The following HCRTR2 variants were observed in gnomAD, a reference collection of about 807,000 sequenced individuals.
HCRTR2 encodes the protein hypocretin receptor 2.
HCRTR2 carries 22 observed loss-of-function variants against 49.0 expected under a neutral mutation model. The ratio of observed to expected loss-of-function variants is 0.45; its 90% CI spans 0.32 to 0.64. HCRTR2 has a LOEUF of 0.64. Ranked by LOEUF, HCRTR2 falls within the 30% of genes least tolerant of loss-of-function variation. The pLI, the probability that HCRTR2 is intolerant of heterozygous loss-of-function variation, is 0.04. For synonymous variants in HCRTR2, 236 were observed against 205.3 expected, an observed-to-expected ratio of 1.15 and a Z score of -1.28; for missense variants, 491 against 559.4, an observed-to-expected ratio of 0.88 and a Z score of 1.23.
chr6:55,228,956 A>G (rs1011424629), intron 1 of HCRTR2, among the ~76,000 whole-genome samples: 4 of 152,096 alleles, frequency 2.6e-5, no homozygotes, highest in Non-Finnish European at 4.4e-5. Flanking sequence ...TATTCATTTT[A>G]TTAATCCACT....
At chr6:55,214,898 G>C (rs1264158549) in intron 1 of HCRTR2, among the ~76,000 whole-genome samples, 1 of 151,806 alleles carries the variant, frequency 6.6e-6, no homozygotes, top group African/African-American at 2.4e-5. Context: ...TATTCAGTCA[G>C]AGAAACAAAA....
intron 3 of HCRTR2, among the ~76,000 whole-genome samples, chr6:55,260,121 A>T (rs1766726818): frequency 6.6e-6 from 1 of 152,308 alleles, no homozygotes; most frequent in Middle Eastern, 3.4e-3. Context: ...GCTACCATCT[A>T]TTCAAAACGC....
intron 2 of HCRTR2, among the ~76,000 whole-genome samples, chr6:55,254,670 A>G (rs1304759898): frequency 6.6e-6 from 1 of 152,130 alleles, no homozygotes; most frequent in Non-Finnish European, 1.5e-5. Flanking sequence ...TGTTAATTAA[A>G]TATAATTTCA....
chr6:55,277,298 T>C (rs1319397809), intron 4 of HCRTR2, 82 bp from the exon 5 acceptor site: 1 of 1,186,248 alleles, frequency 8.4e-7, no homozygotes. Context: ...AAGCCTTTCC[T>C]TACTGTGTTT....
chr6:55,191,474 T>C (rs946713592), intron 1 of HCRTR2, among the ~76,000 whole-genome samples: 3 of 152,148 alleles, frequency 2.0e-5, no homozygotes, highest in Non-Finnish European at 1.5e-5. Flanking sequence ...TAAATATAGT[T>C]AGTCAATTAT....
chr6:55,251,554 A>C (rs574779343), intron 2 of HCRTR2, among the ~76,000 whole-genome samples: 32 of 152,070 alleles, frequency 2.1e-4, no homozygotes, highest in Middle Eastern at 3.4e-3. Context: ...CTACACAGAA[A>C]ATGCCAGAAA....
chr6:55,122,000 C>T (rs1163618940), intron 1 of HCRTR2, among the ~76,000 whole-genome samples: 1 of 152,162 alleles, frequency 6.6e-6, no homozygotes, highest in South Asian at 2.1e-4. Flanking sequence ...GGAGGATTCC[C>T]TCTTTTTCTA....
intron 1 of HCRTR2, among the ~76,000 whole-genome samples, chr6:55,108,327 CTACCACAGGAACA>C (rs1284880232): frequency 8.6e-5 from 13 of 151,988 alleles, no homozygotes; most frequent in Admixed American, 8.5e-4. Context: ...GCTCCAAGAA[CTACCACAGGAACA>C]TACCAGTAAA....
intron 1 of HCRTR2, among the ~76,000 whole-genome samples, chr6:55,224,603 A>G (rs963617037): frequency 6.6e-6 from 1 of 151,000 alleles, no homozygotes; most frequent in Non-Finnish European, 1.5e-5. Context: ...AGCCTGGGCT[A>G]CAGAACGAGA....
At chr6:55,126,500 G>A (rs1764280154) in intron 1 of HCRTR2, among the ~76,000 whole-genome samples, 2 of 152,160 alleles carry the variant, frequency 1.3e-5, no homozygotes, top group Non-Finnish European at 2.9e-5. Context: ...TCCCCTGCCA[G>A]ATGCCAGCCA....
intron 1 of HCRTR2, among the ~76,000 whole-genome samples, chr6:55,107,793 T>C (rs561907036): frequency 2.8e-4 from 42 of 152,288 alleles, no homozygotes; most frequent in African/African-American, 9.6e-4. Flanking sequence ...TTTACAACCA[T>C]CTACTCATTG....
At chr6:55,150,384 T>C (rs889099422) in intron 1 of HCRTR2, among the ~76,000 whole-genome samples, 9 of 151,814 alleles carry the variant, frequency 5.9e-5, no homozygotes, top group African/African-American at 2.2e-4. Context: ...TTGCAAATAT[T>C]TAAGTATACA....
At chr6:55,135,057 G>A (rs779401484) in intron 1 of HCRTR2, among the ~76,000 whole-genome samples, 1 of 151,992 alleles carries the variant, frequency 6.6e-6, no homozygotes, top group South Asian at 2.1e-4. Flanking sequence ...TAGTAGCAAA[G>A]AATGTGGTGG....
At chr6:55,191,495 G>A (rs931375022) in intron 1 of HCRTR2, among the ~76,000 whole-genome samples, 1 of 152,124 alleles carries the variant, frequency 6.6e-6, no homozygotes, top group Admixed American at 6.5e-5. Flanking sequence ...GTCATGGAAA[G>A]AATTGAAGGG....
intron 1 of HCRTR2, among the ~76,000 whole-genome samples, chr6:55,234,823 T>C (rs776141355): frequency 1.7e-4 from 26 of 152,178 alleles, no homozygotes; most frequent in Non-Finnish European, 3.5e-4. Context: ...GCATACTCTA[T>C]GATAGCAATT....
intron 6 of HCRTR2, among the ~76,000 whole-genome samples, chr6:55,281,020 A>G (rs935576136): frequency 7.2e-5 from 11 of 152,202 alleles, no homozygotes; most frequent in African/African-American, 2.7e-4. Context: ...CAATATAATT[A>G]TAAAAGTCAT....
At chr6:55,281,272 G>A (rs897812698) in intron 6 of HCRTR2, among the ~76,000 whole-genome samples, 29 of 152,020 alleles carry the variant, frequency 1.9e-4, no homozygotes, top group African/African-American at 6.8e-4. Flanking sequence ...TTAAAAAAAA[G>A]GCAACAAATT....
At chr6:55,170,531 T>G (rs1009836797), upstream of HCRTR2, among the ~76,000 whole-genome samples, 1 of 151,996 alleles carries the variant, frequency 6.6e-6, no homozygotes, top group Admixed American at 6.6e-5. Context: ...GTAATTGATA[T>G]GTATAGCAAA....
intron 1 of HCRTR2, among the ~76,000 whole-genome samples, chr6:55,189,181 T>A (rs1336382538): frequency 6.6e-6 from 1 of 152,308 alleles, no homozygotes; most frequent in East Asian, 1.9e-4. Context: ...TGGATTGGAT[T>A]AAACATGTTT....
Sources: allele counts gnomAD v4.1 joint callset (sites outside exome capture counted in the v4.1 genomes callset), GRCh38; gene constraint gnomAD v4.1.1; transcripts MANE v1.5; gene names NCBI Gene and HGNC (gene_info 2026-07-23, HGNC 2026-07-21).